The following OPN1LW variants were observed in gnomAD, a reference collection of about 807,000 sequenced individuals.
The protein encoded by OPN1LW is opsin 1, long wave sensitive.
In OPN1LW, 4 loss-of-function variants were observed where a neutral mutation model predicts 18.1. That is an observed-to-expected ratio of 0.22 (90% confidence interval 0.11 to 0.51). The LOEUF is 0.51. Ranked by LOEUF, OPN1LW falls within the 20% of genes least tolerant of loss-of-function variation. The pLI is 0.97. For synonymous variants in OPN1LW, 86 were observed against 101.2 expected, an observed-to-expected ratio of 0.85 and a Z score of 0.90; for missense variants, 164 against 234.9, an observed-to-expected ratio of 0.70 and a Z score of 1.97.
Position 154,156,386 on chromosome X carries a change from C to G in OPN1LW, c.837C>G (p.Val279=). ...TGGTGATGATCTTTGCGTACTGCGT[C>G]TGCTGGGGACCCTACACCTTCTTCG... The part of the protein sequence containing the change: ...MVVVMIFAYC[V]CWGPYTFFAC... The change falls in exon 5 of 6, where the codon GTC becomes GTG. Residue 279 remains valine, a synonymous_variant. Coordinates refer to ENST00000369951, the MANE Select transcript of OPN1LW (RefSeq NM_020061.6). The G allele has an allele frequency of 8.3e-7, 1 of 1,205,150 alleles. No homozygotes were observed.
chrX:154,149,531 C>CAA (rs782136368), intron 1 of OPN1LW, among the ~76,000 whole-genome samples: 41 of 59,491 alleles, frequency 6.9e-4, no homozygotes, highest in East Asian at 1.4e-3. Flanking sequence ...GACTTTGTCC[C>CAA]AAAAAAAAAA....
rs782762187 is a variant in OPN1LW at position 154,149,185 on chromosome X, AC to A, written c.113-1470del. Reference sequence around the variant, plus strand: ...GTGCCACTGCACTCCAGCCTGGGTGACAGAGCAAGACTCCGTCTCAAAAAAA... The same window carrying A: ...GTGCCACTGCACTCCAGCCTGGGTGAAGAGCAAGACTCCGTCTCAAAAAAA... On this transcript the variant is annotated intron_variant, in intron 1 of 5. Transcript: ENST00000369951. Among the ~76,000 whole-genome samples the A allele has an allele frequency of 2.9e-3, 293 of 100,989 alleles. 4 individuals are homozygous for A. The highest frequency in any genetic ancestry group is 0.013 in the African/African-American group (282 of 22,528). 87.7% of individuals were successfully genotyped at this position (100,989 alleles called of 115,157 possible).
In OPN1LW at chrX:154,156,484, A is replaced by G. The variant is rs1557158017; in HGVS notation, c.935A>G (p.Lys312Arg). Reference protein sequence around the residue: ...LMAALPAYFAKSATIYNPVIY... With the variant: ...LMAALPAYFARSATIYNPVIY... ...GCTGCCCTGCCGGCCTACTTTGCCA[A>G]AAGTGCCACTATCTACAACCCCGTT... Residue 312 changes from lysine to arginine, a missense_variant, in exon 5 of 6, where the codon AAA becomes AGA. Lys to Arg is a conservative substitution (Grantham distance 26). Around this residue, in one of 3 missense-constraint regions of OPN1LW, gnomAD observed 53 missense variants for 50.2 expected, o/e 1.06. Coordinates refer to ENST00000369951, the MANE Select transcript of OPN1LW (RefSeq NM_020061.6). The G allele has an allele frequency of 8.3e-7, 1 of 1,204,452 alleles. No homozygotes were observed. The highest frequency in any genetic ancestry group is 1.7e-5 in the African/African-American group (1 of 57,329).
rs1557157471 is a variant in OPN1LW, at chrX:154,150,936, C to T, written c.393C>T (p.Tyr131=). 1 of 1,193,084 alleles carries T rather than the reference C, an allele frequency of 8.4e-7. No homozygotes were observed. Residue 131 remains tyrosine, a synonymous_variant, in exon 2 of 6, where the codon TAC becomes TAT. Coordinates refer to ENST00000369951, the MANE Select transcript of OPN1LW (RefSeq NM_020061.6). ...LGHPMCVLEG[Y]TVSLCGITGL... Reference sequence around the variant, plus strand: ...ACCCTATGTGTGTCCTGGAGGGCTACACCGTCTCCCTGTGTGGTAAGCCAG... The same window carrying T: ...ACCCTATGTGTGTCCTGGAGGGCTATACCGTCTCCCTGTGTGGTAAGCCAG...
chrX:154,150,894 C>T lies in OPN1LW; in HGVS notation c.351C>T (p.Gly117=). ...TCAGCATTGTGAACCAGGTCTCTGG[C>T]TACTTCGTGCTGGGCCACCCTATGT... ...STISIVNQVS[G]YFVLGHPMCV... The change falls in exon 2 of 6, where the codon GGC becomes GGT. Residue 117 remains glycine, a synonymous_variant. Coordinates refer to ENST00000369951, the MANE Select transcript of OPN1LW (RefSeq NM_020061.6). 1 of 1,195,170 alleles carries T rather than the reference C, an allele frequency of 8.4e-7. No individual in the cohort carries two copies. The highest frequency in any genetic ancestry group is 1.1e-6 in the Non-Finnish European group (1 of 886,633).
rs782404715 is a variant in OPN1LW, at chrX:154,156,428, C to G, written c.879C>G (p.Ala293=). ...CCTTCTTCGCATGCTTTGCTGCTGC[C>G]AACCCTGGTTACGCCTTCCACCCTT... ...PYTFFACFAA[A]NPGYAFHPLM... The change falls in exon 5 of 6, where the codon GCC becomes GCG. Residue 293 remains alanine (A), a synonymous_variant. Transcript: ENST00000369951. 3.3e-6 allele frequency: 4 copies of G among 1,205,157 alleles called. No individual in the cohort carries two copies. The highest frequency in any genetic ancestry group is 4.5e-6 in the Non-Finnish European group (4 of 890,565).
chrX:154,154,900 G>A (rs1431283840), intron 4 of OPN1LW, among the ~76,000 whole-genome samples, 161 bp downstream of exon 4: 2 of 22,260 alleles, frequency 9.0e-5, no homozygotes, highest in African/African-American at 3.7e-4. Context: ...ATGAGAATCA[G>A]GTGATTCCTT....
At chrX:154,150,988 C>T in intron 2 of OPN1LW, 36 bp downstream of exon 2, 2 of 1,177,002 alleles carry the variant, frequency 1.7e-6, no homozygotes, top group Non-Finnish European at 2.3e-6. Flanking sequence ...GCGGAAACCA[C>T]TCATTCACCC....
At chrX:154,148,476 T>C (rs1302123415) in intron 1 of OPN1LW, among the ~76,000 whole-genome samples, 1 of 102,927 alleles carries the variant, frequency 9.7e-6, no homozygotes, top group East Asian at 2.9e-4. Context: ...GGTTTCACCA[T>C]GGCCAGGCTG....
intron 1 of OPN1LW, among the ~76,000 whole-genome samples, chrX:154,148,420 C>G (rs2067062857): frequency 9.7e-6 from 1 of 103,034 alleles, no homozygotes; most frequent in Non-Finnish European, 1.9e-5. Context: ...CGCCCACCAC[C>G]ATACCTAGCT....
rs781936473 is a variant in OPN1LW at position 154,154,692 on chromosome X, G to T, written c.697G>T (p.Ala233Ser). 1.7e-6 allele frequency: 2 copies of T among 1,190,550 alleles called. No individual in the cohort carries two copies. Among genetic ancestry groups the T allele is most frequent in the African/African-American group, 3.6e-5 (2 of 55,827 alleles). ...GGTCACCTGCTGCATCATCCCACTC[G>T]CTATCATCATGCTCTGCTACCTCCA... ...LMVTCCIIPL[A>S]IIMLCYLQVW... The change falls in exon 4 of 6, where the codon GCT becomes TCT. Residue 233 changes from alanine to serine, a missense_variant. Coordinates refer to ENST00000369951, the MANE Select transcript of OPN1LW (RefSeq NM_020061.6).
chrX:154,154,699 T>A lies in OPN1LW; in HGVS notation c.704T>A (p.Ile235Asn). The A allele has an allele frequency of 8.4e-7, 1 of 1,194,550 alleles. No homozygotes were observed. Among genetic ancestry groups the A allele is most frequent in the Non-Finnish European group, 1.1e-6 (1 of 883,879 alleles). The part of the protein sequence containing the change: ...VTCCIIPLAI[I>N]MLCYLQVWLA... ...TGCTGCATCATCCCACTCGCTATCA[T>A]CATGCTCTGCTACCTCCAAGTGTGG... The change falls in exon 4 of 6, where the codon ATC (isoleucine) becomes AAC (asparagine). Residue 235 changes from isoleucine (I) to asparagine (N), a missense_variant. Ile to Asn is a moderately radical substitution (Grantham distance 149, BLOSUM62 -3). Around this residue, in one of 3 missense-constraint regions of OPN1LW, gnomAD observed 106 missense variants for 167.7 expected, o/e 0.63. Coordinates refer to ENST00000369951, the MANE Select transcript of OPN1LW (RefSeq NM_020061.6).
chrX:154,144,243 G>T lies in OPN1LW; in HGVS notation c.-41G>T, dbSNP rs372736549. On this transcript the variant is annotated 5_prime_UTR_variant, in exon 1 of 6. Transcript: ENST00000369951. ...AAGCGCCGTGACCCTCAGGTGATGC[G>T]CCAGGGCCGGCTGCCGTCGGGGACA... 4.1e-6 allele frequency: 5 copies of T among 1,210,268 alleles called. No individual in the cohort carries two copies. The Admixed American group carries it at 1.1e-4, about 26-fold the overall frequency.
At chrX:154,148,406 C>A (rs2067062791) in intron 1 of OPN1LW, among the ~76,000 whole-genome samples, 1 of 103,059 alleles carries the variant, frequency 9.7e-6, no homozygotes, top group Non-Finnish European at 1.9e-5. Flanking sequence ...GCTGGGACTA[C>A]AGGCGCCCAC....
chrX:154,154,718 A>C lies in OPN1LW; in HGVS notation c.723A>C (p.Gln241His). 8.4e-7 allele frequency: 1 copy of C among 1,192,823 alleles called. No homozygotes were observed. The highest frequency in any genetic ancestry group is 1.1e-6 in the Non-Finnish European group (1 of 883,351). ...PLAIIMLCYL[Q>H]VWLAIRAVAK... ...CTATCATCATGCTCTGCTACCTCCAAGTGTGGCTGGCCATCCGAGCGGTAA... is the reference window on the plus strand; with the variant it reads ...CTATCATCATGCTCTGCTACCTCCACGTGTGGCTGGCCATCCGAGCGGTAA... The change falls in exon 4 of 6, where the codon CAA becomes CAC. Residue 241 changes from glutamine to histidine, a missense_variant. Coordinates refer to ENST00000369951, the MANE Select transcript of OPN1LW (RefSeq NM_020061.6).
rs1065420 is a variant in OPN1LW at position 154,150,843 on chromosome X, A to G, written c.300A>G (p.Leu100=). 0.03 allele frequency: 35,243 copies of G among 1,194,590 alleles called. 924 individuals carry two copies. The highest frequency in any genetic ancestry group is 0.033 in the Non-Finnish European group (29,590 of 887,378). ...WILVNLAVAD[L]AETVIASTIS... Reference sequence around the variant, plus strand: ...TGGTGAACCTGGCGGTCGCTGACCTAGCAGAGACCGTCATCGCCAGCACTA... The same window carrying G: ...TGGTGAACCTGGCGGTCGCTGACCTGGCAGAGACCGTCATCGCCAGCACTA... The change falls in exon 2 of 6, where the codon CTA becomes CTG. Residue 100 remains leucine, a synonymous_variant. Transcript: ENST00000369951.
intron 4 of OPN1LW, 88 bp from the exon 5 acceptor site, chrX:154,156,206 C>T (rs2067083475): frequency 1.5e-5 from 16 of 1,083,978 alleles, no homozygotes; most frequent in Non-Finnish European, 2.0e-5. Flanking sequence ...TGCTGGGCTC[C>T]TCTCCTCCTC....
Position 154,150,874 on chromosome X carries a change from A to G in OPN1LW, c.331A>G (p.Ile111Val), listed in dbSNP as rs1065421. 0.016 allele frequency: 19,047 copies of G among 1,184,043 alleles called. 2,323 individuals carry two copies. The African/African-American group carries it at 0.28, about 18-fold the overall frequency. Residue 111 changes from isoleucine to valine, a missense_variant, in exon 2 of 6, where the codon ATT becomes GTT. Around this residue, in one of 3 missense-constraint regions of OPN1LW, gnomAD observed 106 missense variants for 167.7 expected, o/e 0.63. Coordinates refer to ENST00000369951, the MANE Select transcript of OPN1LW (RefSeq NM_020061.6). ...GACCGTCATCGCCAGCACTATCAGC[A>G]TTGTGAACCAGGTCTCTGGCTACTT... ...AETVIASTIS[I>V]VNQVSGYFVL...
Position 154,150,963 on chromosome X carries a change from C to T in OPN1LW, c.409+11C>T, listed in dbSNP as rs199954237. The T allele has an allele frequency of 1.8e-3, 2,172 of 1,182,025 alleles. 50 individuals carry two copies. The Middle Eastern group carries it at 0.031, about 17-fold the overall frequency. Reference sequence around the variant, plus strand: ...CCGTCTCCCTGTGTGGTAAGCCAGTCGGGGCCCAGGCTCGGCGGAAACCAC... The same window carrying T: ...CCGTCTCCCTGTGTGGTAAGCCAGTTGGGGCCCAGGCTCGGCGGAAACCAC... On this transcript the variant is annotated intron_variant, in intron 2 of 5. Coordinates refer to ENST00000369951, the MANE Select transcript of OPN1LW (RefSeq NM_020061.6).
Sources: gnomAD v4.1 joint callset for allele counts (sites outside exome capture counted in the v4.1 genomes callset) on GRCh38, gnomAD v4.1.1 for gene constraint, gnomAD v4.1.1 regional missense constraint, MANE v1.5 for transcripts, NCBI Gene and HGNC (gene_info 2026-07-23, HGNC 2026-07-21) for gene names.